Variants in ABHD12 observed in about 807,000 individuals in gnomAD.
ABHD12 encodes abhydrolase domain containing 12, lysophospholipase.
Under a neutral mutation model 58.3 loss-of-function variants are expected in ABHD12, and 43 were observed. That is an observed-to-expected ratio of 0.74 (90% CI 0.58 to 0.95). The LOEUF is 0.95. Ranked by LOEUF, ABHD12 falls within the 40% of genes least tolerant of loss-of-function variation. The pLI, the probability that ABHD12 is intolerant of heterozygous loss-of-function variation, is 0.00. For synonymous variants in ABHD12, 219 were observed against 211.2 expected, an observed-to-expected ratio of 1.04 and a Z score of -0.32; for missense variants, 539 against 537.2, an observed-to-expected ratio of 1.00 and a Z score of -0.03.
At chr20:25,350,573 T>C (rs920249632) in intron 1 of ABHD12, among the ~76,000 whole-genome samples, 5 of 152,214 alleles carry the variant, frequency 3.3e-5, no homozygotes, top group African/African-American at 1.2e-4. Context: ...TCCCCAGCCA[T>C]GTGGAACTGT....
chr20:25,352,110 G>A (rs1455351176), intron 1 of ABHD12, among the ~76,000 whole-genome samples: 1 of 151,846 alleles, frequency 6.6e-6, no homozygotes, highest in East Asian at 1.9e-4. Context: ...TCTAGCCTCA[G>A]CCTCCCAAGT....
chr20:25,363,214 C>T (rs2089775980), intron 1 of ABHD12, among the ~76,000 whole-genome samples: 1 of 149,898 alleles, frequency 6.7e-6, no homozygotes, highest in Admixed American at 6.7e-5. Flanking sequence ...AAATGATTGA[C>T]ATTTTACTTT....
intron 1 of ABHD12, among the ~76,000 whole-genome samples, chr20:25,379,213 T>C (rs1416244064): frequency 6.6e-6 from 1 of 152,198 alleles, no homozygotes; most frequent in Non-Finnish European, 1.5e-5. Flanking sequence ...ACTCCACAGA[T>C]ACACAGCAGG....
chr20:25,296,733 C>G (rs200516357), downstream of ABHD12: 42 of 656,418 alleles, frequency 6.4e-5, no homozygotes, highest in Non-Finnish European at 9.2e-5. Flanking sequence ...GTAAAGGAAG[C>G]CAGAGTTGAC....
At chr20:25,339,950 G>C (rs967053962) in intron 1 of ABHD12, among the ~76,000 whole-genome samples, 1 of 152,210 alleles carries the variant, frequency 6.6e-6, no homozygotes, top group Admixed American at 6.5e-5. Context: ...AAGCCAGGTC[G>C]CCAGCCCAGG....
chr20:25,339,442 A>G (rs1191606478), intron 1 of ABHD12, 91 bp from the exon 2 acceptor site: 1 of 1,587,940 alleles, frequency 6.3e-7, no homozygotes, highest in African/African-American at 1.3e-5. Context: ...CCTAAACAAG[A>G]GCCACACATA....
At chr20:25,385,533 G>A in intron 1 of ABHD12, among the ~76,000 whole-genome samples, 1 of 152,048 alleles carries the variant, frequency 6.6e-6, no homozygotes, top group East Asian at 1.9e-4. Flanking sequence ...CACTGTAGTA[G>A]TTACCGAAGT....
downstream of ABHD12, chr20:25,296,270 G>A (rs542426973): frequency 6.8e-5 from 99 of 1,451,614 alleles, no homozygotes; most frequent in East Asian, 3.5e-4. Context: ...CCCAAGGCTC[G>A]GAGCTCATTT....
chr20:25,299,035 G>A (rs757697086), downstream of ABHD12, among the ~76,000 whole-genome samples: 32 of 152,180 alleles, frequency 2.1e-4, no homozygotes, highest in Non-Finnish European at 4.3e-4. Flanking sequence ...GAGCTGACAG[G>A]TGATGGTGGA....
intron 1 of ABHD12, among the ~76,000 whole-genome samples, chr20:25,352,676 G>A (rs1692004510): frequency 6.6e-6 from 1 of 152,176 alleles, no homozygotes. Context: ...TCAGGACAGT[G>A]TTCTTGAAAA....
intron 1 of ABHD12, among the ~76,000 whole-genome samples, chr20:25,389,673 C>G (rs1258358611): frequency 3.3e-5 from 5 of 152,192 alleles, no homozygotes; most frequent in Non-Finnish European, 7.4e-5. Flanking sequence ...CATTCATCTT[C>G]TACCCAATAA....
chr20:25,320,427 T>G, intron 3 of ABHD12, 109 bp from the exon 4 acceptor site: 1 of 1,473,596 alleles, frequency 6.8e-7, no homozygotes, highest in Non-Finnish European at 9.3e-7. Flanking sequence ...AGCAGGGAGC[T>G]GCAGACCCCA....
intron 1 of ABHD12, among the ~76,000 whole-genome samples, chr20:25,365,862 A>G (rs1309722372): frequency 6.6e-6 from 1 of 152,070 alleles, no homozygotes; most frequent in African/African-American, 2.4e-5. Context: ...CAGCCTGGAC[A>G]ACATAGGTTT....
At chr20:25,383,151 T>C (rs570059769) in intron 1 of ABHD12, among the ~76,000 whole-genome samples, 1 of 152,222 alleles carries the variant, frequency 6.6e-6, no homozygotes, top group East Asian at 1.9e-4. Context: ...GAGGGTGAGG[T>C]TGATACTGAA....
chr20:25,351,465 T>C (rs1424287576), intron 1 of ABHD12, among the ~76,000 whole-genome samples: 3 of 152,246 alleles, frequency 2.0e-5, no homozygotes, highest in East Asian at 1.9e-4. Flanking sequence ...AATAACTGCA[T>C]TGGAAGTCAC....
intron 1 of ABHD12, among the ~76,000 whole-genome samples, chr20:25,346,683 C>T (rs1030469015): frequency 3.3e-5 from 5 of 152,094 alleles, no homozygotes; most frequent in Admixed American, 6.6e-5. Flanking sequence ...CTTGCTCTGT[C>T]GCCCAGGCTA....
intron 1 of ABHD12, among the ~76,000 whole-genome samples, chr20:25,378,832 C>T (rs550039995): frequency 6.6e-5 from 10 of 152,174 alleles, no homozygotes; most frequent in Admixed American, 2.0e-4. Context: ...CTTTACAAAC[C>T]CAAAAGTCCT....
intron 1 of ABHD12, among the ~76,000 whole-genome samples, chr20:25,344,545 C>A (rs750459022): frequency 2.6e-5 from 4 of 152,154 alleles, no homozygotes; most frequent in Non-Finnish European, 5.9e-5. Flanking sequence ...AATAGATATT[C>A]CATCTTCATG....
intron 3 of ABHD12, among the ~76,000 whole-genome samples, chr20:25,322,382 T>TATATATATATATATATATATATATATA (rs1491359839): frequency 1.8e-4 from 7 of 38,248 alleles, no homozygotes; most frequent in African/African-American, 2.8e-4. Flanking sequence ...TATATATATA[T>TATATATATATATATATATATATATATA]TTTTTTTTTT....
Sources: allele counts gnomAD v4.1 joint callset (sites outside exome capture counted in the v4.1 genomes callset), GRCh38; gene constraint gnomAD v4.1.1; transcripts MANE v1.5; gene names NCBI Gene and HGNC (gene_info 2026-07-23, HGNC 2026-07-21).